Variants in MYBBP1A observed in about 807,000 individuals in gnomAD.
The protein encoded by MYBBP1A is MYB binding protein 1a, also known as myb-binding protein 1A.
Under a neutral mutation model 136.3 loss-of-function variants are expected in MYBBP1A, and 147 were observed. The observed-to-expected ratio is 1.08, with a 90% confidence interval of 0.94 to 1.24. The LOEUF is 1.24. MYBBP1A is among the 50% of genes most tolerant of loss of function. The pLI is 0.00. For missense variants in MYBBP1A, 2,060 were observed against 1,727.4 expected (o/e 1.19, Z -3.41); for synonymous variants, 947 against 735.8 (o/e 1.29, Z -4.65).
rs543905608 is a variant in MYBBP1A at position 4,544,877 on chromosome 17, G to A, written c.2355C>T (p.Ala785=). 3.4e-5 allele frequency: 54 copies of A among 1,607,878 alleles called. No homozygotes were observed. Among genetic ancestry groups the A allele is most frequent in the African/African-American group, 2.0e-4 (15 of 74,864 alleles). Residue 785 remains alanine (A), a synonymous_variant, in exon 18 of 26, where the codon GCC becomes GCT. Coordinates refer to ENST00000254718, the MANE Select transcript of MYBBP1A (RefSeq NM_014520.4). ...SENEEELGDE[A]MMALDQSLAS... is the part of the protein sequence containing the mutation. The stretch of plus-strand genomic sequence containing the variant: ...CGAGGCTCTGGTCCAGGGCCATCAT[G>A]GCCTCATCCCCCAGCTCCTCCTCGT...
At position 4,539,394 on chromosome 17, in the gene MYBBP1A, G is replaced by A. The variant is rs375516117; in HGVS notation, c.*21C>T. 2 of 1,571,126 alleles carry A rather than the reference G, an allele frequency of 1.3e-6. No homozygotes were observed. Among genetic ancestry groups the A allele is most frequent in the African/African-American group, 1.4e-5 (1 of 72,848 alleles). On this transcript the variant is annotated 3_prime_UTR_variant, in exon 26 of 26. Coordinates refer to ENST00000254718, the MANE Select transcript of MYBBP1A (RefSeq NM_014520.4). ...TCTCAGGCAGATGGAGGCAGGGGCT[G>A]AGGGGGGCCCGTACCTGTGCTCAGG...
At position 4,541,452 on chromosome 17, in the gene MYBBP1A, C is replaced by T. The variant is rs771306661; in HGVS notation, c.3297+11G>A. On this transcript the variant is annotated intron_variant, in intron 24 of 25. Coordinates refer to ENST00000254718, the MANE Select transcript of MYBBP1A (RefSeq NM_014520.4). ...ACCCGAACACGACCGCGGACTGGGC[C>T]CCCGCCTCACCTCATGTTTGCAGGT... 2 of 1,611,066 alleles carry T rather than the reference C, an allele frequency of 1.2e-6. No homozygotes were observed. Among genetic ancestry groups the T allele is most frequent in the Non-Finnish European group, 1.7e-6 (2 of 1,178,988 alleles).
chr17:4,545,415 G>C, intron 15 of MYBBP1A, 70 bp from the exon 16 acceptor site: 1 of 1,584,158 alleles, frequency 6.3e-7, no homozygotes, highest in Non-Finnish European at 8.6e-7. Context: ...ACTCAGCCTT[G>C]ACCAAAGACC....
chr17:4,548,431 C>G lies in MYBBP1A; in HGVS notation c.1556+93G>C, dbSNP rs1907196887. ...GGACCTACTAGAACTCCGGGGGCCT[C>G]TGCCGTTGTTCCCAGCTTAGGGGAC... On this transcript the variant is annotated intron_variant, in intron 11 of 25. Transcript: ENST00000254718. The surrounding 1 kb of genome is among the most constrained non-coding windows in gnomAD (Gnocchi z 4.2). 3 of 1,608,094 alleles carry G rather than the reference C, an allele frequency of 1.9e-6. No homozygotes were observed. In the East Asian group the frequency reaches 6.7e-5, roughly 36 times the overall value.
At chr17:4,542,223 G>A (rs900051241) in intron 22 of MYBBP1A, 6 of 589,280 alleles carry the variant, frequency 1.0e-5, no homozygotes, top group African/African-American at 9.3e-5. Flanking sequence ...ATGGGCAGCA[G>A]TGGCTGCGGG....
At position 4,548,482 on chromosome 17, in the gene MYBBP1A, C is replaced by G. The variant is rs779050285; in HGVS notation, c.1556+42G>C. 3 of 1,613,122 alleles carry G rather than the reference C, an allele frequency of 1.9e-6. No individual in the cohort carries two copies. The highest frequency in any genetic ancestry group is 1.3e-5 in the African/African-American group (1 of 75,018). On this transcript the variant is annotated intron_variant, in intron 11 of 25. Transcript: ENST00000254718. The surrounding 1 kb of genome is among the most constrained non-coding windows in gnomAD (Gnocchi z 4.2). Reference sequence around the variant, plus strand: ...CTGGAGGGAGCAGGCGCCCTCAAGGCCTTCCCACCTTCGGACCTCTCCTGG... The same window carrying G: ...CTGGAGGGAGCAGGCGCCCTCAAGGGCTTCCCACCTTCGGACCTCTCCTGG...
Position 4,545,054 on chromosome 17 carries a change from A to G in MYBBP1A, c.2282T>C (p.Met761Thr), listed in dbSNP as rs759208080. 1.3e-6 allele frequency: 2 copies of G among 1,497,054 alleles called. No individual in the cohort carries two copies. The highest frequency in any genetic ancestry group is 2.4e-5 in the South Asian group (2 of 83,486). The allele number at this position is 1,497,054 out of a possible 1,614,324, so 92.7% of individuals were successfully genotyped here. The change falls in exon 17 of 26, where the codon ATG (methionine) becomes ACG (threonine). Residue 761 changes from methionine to threonine, a missense_variant. Physicochemically the swap from Met to Thr is moderately conservative, Grantham distance 81. Coordinates refer to ENST00000254718, the MANE Select transcript of MYBBP1A (RefSeq NM_014520.4). ...CGCCTTCCCAGCCTGCAGCACGGTCATCAGCTGTTCCCGGAAGCCCTGATC... is the reference window on the plus strand; with the variant it reads ...CGCCTTCCCAGCCTGCAGCACGGTCGTCAGCTGTTCCCGGAAGCCCTGATC... ...DVDQGFREQLMTVLQAGKALG... is the reference protein window; with the variant it reads ...DVDQGFREQLTTVLQAGKALG...
rs1468718248 is a variant in MYBBP1A, at chr17:4,553,955, A to G, written c.454-38T>C. 1.9e-6 allele frequency: 3 copies of G among 1,613,560 alleles called. No homozygotes were observed. In the South Asian group the frequency reaches 3.3e-5, roughly 18 times the overall value. ...GAGGGACAGAGGGTATGAGCAGGGC[A>G]CACGACTGTCCCCCACCCATCCCAA... On this transcript the variant is annotated intron_variant, in intron 4 of 25. Transcript: ENST00000254718.
In MYBBP1A at chr17:4,542,481, C is replaced by T. The variant is rs1367815490; in HGVS notation, c.3070G>A (p.Val1024Met). 1.9e-6 allele frequency: 3 copies of T among 1,610,308 alleles called. No homozygotes were observed. Among genetic ancestry groups the T allele is most frequent in the South Asian group, 1.1e-5 (1 of 90,810 alleles). Residue 1024 changes from valine to methionine, a missense_variant, in exon 22 of 26, where the codon GTG (valine) becomes ATG (methionine). Physicochemically the swap from Val to Met is conservative, Grantham distance 21. Coordinates refer to ENST00000254718, the MANE Select transcript of MYBBP1A (RefSeq NM_014520.4). The part of the protein sequence containing the change: ...PILVQHITGP[V>M]RPRHQACLLL... The stretch of plus-strand genomic sequence containing the variant: ...TCTCTCACCTGATGACGGGGCCGCA[C>T]CGGGCCCGTGATATGCTGGACCAGG...
chr17:4,551,825 G>C, intron 8 of MYBBP1A, 55 bp downstream of exon 8: 1 of 1,520,548 alleles, frequency 6.6e-7, no homozygotes, highest in Non-Finnish European at 9.1e-7. Flanking sequence ...TTTTGGCAGG[G>C]AGAGCTCCAC....
chr17:4,541,467 T>A lies in MYBBP1A; in HGVS notation c.3293A>T (p.His1098Leu). ...CGGACTGGGCCCCCGCCTCACCTCA[T>A]GTTTGCAGGTCCTGAAGAGAACGTT... Reference protein sequence around the residue: ...LLNVLFRTCKHEKLTLDLTVL... With the variant: ...LLNVLFRTCKLEKLTLDLTVL... The change falls in exon 24 of 26, where the codon CAT becomes CTT. Residue 1098 changes from histidine to leucine, a missense_variant. His to Leu is a moderately conservative substitution (Grantham distance 99, BLOSUM62 -3). Transcript: ENST00000254718. The A allele has an allele frequency of 6.2e-7, 1 of 1,612,732 alleles. No homozygotes were observed. Among genetic ancestry groups the A allele is most frequent in the Non-Finnish European group, 8.5e-7 (1 of 1,179,576 alleles).
At chr17:4,541,689 G>T in intron 23 of MYBBP1A, 95 bp downstream of exon 23, 1 of 1,437,022 alleles carries the variant, frequency 7.0e-7, no homozygotes, top group Non-Finnish European at 9.8e-7. Context: ...TCCCGACTCT[G>T]GACTCAGGCT....
At chr17:4,540,800 TG>T in intron 24 of MYBBP1A, among the ~76,000 whole-genome samples, 1 of 152,274 alleles carries the variant, frequency 6.6e-6, no homozygotes, top group East Asian at 1.9e-4. Flanking sequence ...ACCGCGGGGC[TG>T]CCAAAGCGCT....
chr17:4,542,009 C>T (rs1320313881), intron 22 of MYBBP1A, 118 bp from the exon 23 acceptor site: 22 of 724,680 alleles, frequency 3.0e-5, no homozygotes, highest in Non-Finnish European at 4.6e-6. Context: ...GTGAGGCTGC[C>T]TGCTGCTCTG....
intron 17 of MYBBP1A, 38 bp downstream of exon 17, chr17:4,544,988 C>CG: frequency 6.8e-7 from 1 of 1,463,944 alleles, no homozygotes; most frequent in Non-Finnish European, 9.1e-7. Context: ...ACACCCGAGC[C>CG]CTCCCCGGCC....
Position 4,547,979 on chromosome 17 carries a change from G to A in MYBBP1A, c.1803C>T (p.Leu601=), listed in dbSNP as rs771477442. 75 of 1,521,350 alleles carry A rather than the reference G, an allele frequency of 4.9e-5. No individual in the cohort carries two copies. Among genetic ancestry groups the A allele is most frequent in the Non-Finnish European group, 5.9e-5 (67 of 1,130,990 alleles). 94.2% of individuals were successfully genotyped at this position (1,521,350 alleles called of 1,614,324 possible). Residue 601 remains leucine, a synonymous_variant, in exon 13 of 26, where the codon CTC becomes CTT. Transcript: ENST00000254718. Reference sequence around the variant, plus strand: ...GTACCTTGAGGAGGTGGATGCCCACGAGGAGCAGAAGGTGCTGGAAGGCAG... The same window carrying A: ...GTACCTTGAGGAGGTGGATGCCCACAAGGAGCAGAAGGTGCTGGAAGGCAG... ...RAAAFQHLLL[L]VGIHLLKSPA...
chr17:4,554,230 T>A lies in MYBBP1A; in HGVS notation c.343A>T (p.Ile115Leu), dbSNP rs1283002633. 1 of 1,614,070 alleles carries A rather than the reference T, an allele frequency of 6.2e-7. No homozygotes were observed. Reference sequence around the variant, plus strand: ...TGATGCAGGTCATATTTTTCTTGTATCTGCTGCAGGATGCTGCACAAGGGG... The same window carrying A: ...TGATGCAGGTCATATTTTTCTTGTAACTGCTGCAGGATGCTGCACAAGGGG... ...DLPLCSILQQ[I>L]QEKYDLHQVK... The change falls in exon 3 of 26, where the codon ATA (isoleucine) becomes TTA (leucine). Residue 115 changes from isoleucine to leucine, a missense_variant. Ile to Leu is a conservative substitution (Grantham distance 5). Transcript: ENST00000254718.
intron 22 of MYBBP1A, chr17:4,542,155 C>T (rs1465721538): frequency 3.4e-6 from 2 of 583,866 alleles, no homozygotes; most frequent in Non-Finnish European, 6.1e-6. Context: ...CTCCAGCCTG[C>T]CCCCAACAGC....
intron 25 of MYBBP1A, 32 bp downstream of exon 25, chr17:4,540,316 C>T (rs748792752): frequency 7.6e-6 from 12 of 1,574,444 alleles, no homozygotes; most frequent in Non-Finnish European, 8.6e-7. Flanking sequence ...CCAGCCCCTA[C>T]CCAAGGTGTG....
Sources: allele counts gnomAD v4.1 joint callset (sites outside exome capture counted in the v4.1 genomes callset), GRCh38; gene constraint gnomAD v4.1.1; non-coding constraint Gnocchi (gnomAD v3.1); transcripts MANE v1.5; gene names NCBI Gene and HGNC (gene_info 2026-07-23, HGNC 2026-07-21).